The following IBA57 variants were observed in gnomAD, a reference collection of about 807,000 sequenced individuals.
The protein encoded by IBA57 is iron-sulfur cluster assembly factor IBA57, mitochondrial.
A neutral mutation model predicts 20.4 loss-of-function variants in IBA57; 20 were observed. The observed-to-expected ratio is 0.98, with a 90% CI of 0.69 to 1.42. The LOEUF is 1.42. IBA57 is among the 40% of genes most tolerant of loss of function. IBA57 has a pLI of 0.00. For missense variants in IBA57, 608 were observed against 499.3 expected (o/e 1.22, Z -2.07); for synonymous variants, 310 against 233.9 (o/e 1.33, Z -2.97).
rs776881094 is a variant in IBA57, at chr1:228,165,960, G to T, written c.144G>T (p.Trp48Cys). ...PGGDPTAGAA[W>C]ACFRLDGRTL... Reference sequence around the variant, plus strand: ...GCGACCCAACGGCCGGAGCGGCCTGGGCCTGCTTCCGGCTGGACGGGCGCA... The same window carrying T: ...GCGACCCAACGGCCGGAGCGGCCTGTGCCTGCTTCCGGCTGGACGGGCGCA... Residue 48 changes from tryptophan to cysteine, a missense_variant, in exon 1 of 3, where the codon TGG (tryptophan) becomes TGT (cysteine). Transcript: ENST00000366711. 3 of 1,514,396 alleles carry T rather than the reference G, an allele frequency of 2.0e-6. No homozygotes were observed. The highest frequency in any genetic ancestry group is 4.2e-4 in the Middle Eastern group (2 of 4,744). The allele number at this position is 1,514,396 out of a possible 1,614,324, so 93.8% of individuals were successfully genotyped here.
In IBA57 at chr1:228,172,151, A is replaced by C. The variant is rs1206962320; in HGVS notation, c.342-2541A>C. On this transcript the variant is annotated intron_variant, in intron 1 of 2. Transcript: ENST00000366711. ...TAGATTCACAGGAAGTTGCAAAAAAAAAAACAAAACAAAACCCGTGGGAGA... is the reference window on the plus strand; with the variant it reads ...TAGATTCACAGGAAGTTGCAAAAAACAAAACAAAACAAAACCCGTGGGAGA... 7.2e-5 allele frequency: 11 copies of C among 151,760 alleles called. 1 individual carries two copies. In the South Asian group the frequency reaches 8.3e-4, roughly 11 times the overall value. 9.4% of individuals were successfully genotyped at this position (151,760 alleles called of 1,614,324 possible).
rs12034268 is a variant in IBA57, at chr1:228,178,486, T to C, written c.*2973T>C. 6,567 of 152,064 alleles carry C rather than the reference T, an allele frequency of 0.043. 171 individuals are homozygous for C. Among genetic ancestry groups the C allele is most frequent in the East Asian group, 0.12 (593 of 5,154 alleles). 9.4% of individuals were successfully genotyped at this position (152,064 alleles called of 1,614,324 possible). A position where few individuals can be genotyped will look rare whatever the true frequency, so the allele number is the denominator to read the frequency against. ...GTCCCACCTATTCGGGAGGCTGAAG[T>C]GCGAGGATCACTTGAGCCCAGGAGG... On this transcript the variant is annotated 3_prime_UTR_variant, in exon 3 of 3. Transcript: ENST00000366711.
In IBA57 at chr1:228,175,106, C is replaced by A. The variant is rs375467747; in HGVS notation, c.680-16C>A. The A allele has an allele frequency of 7.5e-6, 12 of 1,605,310 alleles. No homozygotes were observed. Among genetic ancestry groups the A allele is most frequent in the South Asian group, 6.6e-5 (6 of 90,344 alleles). ...ATGTTCAATTCTCGCTGGTTTCCCC[C>A]CTCCAATCCCTGCAGGCGTTCCTGA... On this transcript the variant is annotated splice_polypyrimidine_tract_variant and intron_variant, in intron 2 of 2. Transcript: ENST00000366711.
At chr1:228,169,165 G>T (rs1046550252) in intron 1 of IBA57, among the ~76,000 whole-genome samples, 5 of 152,082 alleles carry the variant, frequency 3.3e-5, no homozygotes, top group African/African-American at 1.2e-4. Flanking sequence ...TCACTCCTCT[G>T]GGGAGAGGGC....
At position 228,174,800 on chromosome 1, in the gene IBA57, G is replaced by A. The variant is rs2034984075; in HGVS notation, c.450G>A (p.Thr150=). The change falls in exon 2 of 3, where the codon ACG becomes ACA. Residue 150 remains threonine (T), a synonymous_variant. Transcript: ENST00000366711. Reference sequence around the variant, plus strand: ...TATACAGGATCCGGCGGAAGGTCACGGTGGAGCCGCACCCGGAGCTGCGAG... The same window carrying A: ...TATACAGGATCCGGCGGAAGGTCACAGTGGAGCCGCACCCGGAGCTGCGAG... The part of the protein sequence containing the change: ...LALYRIRRKV[T]VEPHPELRVW... 6.2e-7 allele frequency: 1 copy of A among 1,610,832 alleles called. No individual in the cohort carries two copies. The highest frequency in any genetic ancestry group is 8.5e-7 in the Non-Finnish European group (1 of 1,179,424).
At position 228,175,539 on chromosome 1, in the gene IBA57, G is replaced by A; in HGVS notation, c.*26G>A. On this transcript the variant is annotated 3_prime_UTR_variant, in exon 3 of 3. Transcript: ENST00000366711. ...TCCGAAGCCTTGGCTGGCGCAGGCT[G>A]ATGGGGAGGCTGGGGCCTGGGGCCT... 11 of 1,531,448 alleles carry A rather than the reference G, an allele frequency of 7.2e-6. No homozygotes were observed. The highest frequency in any genetic ancestry group is 8.8e-6 in the Non-Finnish European group (10 of 1,138,950). 94.9% of individuals were successfully genotyped at this position (1,531,448 alleles called of 1,614,324 possible).
At position 228,165,984 on chromosome 1, in the gene IBA57, C is replaced by T; in HGVS notation, c.168C>T (p.Arg56=). The change falls in exon 1 of 3, where the codon CGC becomes CGT. Residue 56 remains arginine (R), a synonymous_variant. Transcript: ENST00000366711. ...GGGCCTGCTTCCGGCTGGACGGGCG[C>T]ACCCTGCTGCGCGTGCGTGGCCCCG... ...AAWACFRLDG[R]TLLRVRGPDA... is the part of the protein sequence containing the mutation. 6.6e-7 allele frequency: 1 copy of T among 1,523,010 alleles called. No homozygotes were observed. The highest frequency in any genetic ancestry group is 1.2e-5 in the South Asian group (1 of 82,112). 94.3% of individuals were successfully genotyped at this position (1,523,010 alleles called of 1,614,324 possible).
chr1:228,168,488 C>T (rs1206028217), intron 1 of IBA57, among the ~76,000 whole-genome samples: 1 of 152,104 alleles, frequency 6.6e-6, no homozygotes, highest in East Asian at 1.9e-4. Flanking sequence ...TTCTGTGTCT[C>T]AGGGCTTTTT....
At chr1:228,166,264 G>T in intron 1 of IBA57, 107 bp downstream of exon 1, 1 of 833,604 alleles carries the variant, frequency 1.2e-6, no homozygotes, top group Non-Finnish European at 1.7e-6. Flanking sequence ...GGGCGTGGGG[G>T]GTGGGCACCC....
In IBA57 at chr1:228,180,200, T is replaced by C. The variant is rs2035087338; in HGVS notation, c.*4687T>C. 1.3e-5 allele frequency: 2 copies of C among 150,586 alleles called. No individual in the cohort carries two copies. Among genetic ancestry groups the C allele is most frequent in the Non-Finnish European group, 1.5e-5 (1 of 67,880 alleles). 9.3% of individuals were successfully genotyped at this position (150,586 alleles called of 1,614,324 possible). On this transcript the variant is annotated 3_prime_UTR_variant, in exon 3 of 3. Coordinates refer to ENST00000366711, the MANE Select transcript of IBA57 (RefSeq NM_001010867.4). ...AAAAAAAAAAGAGGGCTAAACGCAT[T>C]TTCATACCACGAAACTGCCCTCACT...
intron 1 of IBA57, chr1:228,171,455 C>A (rs1277662413): frequency 2.0e-5 from 3 of 152,244 alleles, no homozygotes; most frequent in African/African-American, 4.8e-5. Flanking sequence ...AAAGTGCCCT[C>A]GACCCCAGAA....
rs11313764 is a variant in IBA57 at position 228,177,483 on chromosome 1, C to CTTTTTTTTTTTTTTTTTTTTT, written c.*1974_*1994dup. On this transcript the variant is annotated 3_prime_UTR_variant, in exon 3 of 3. Transcript: ENST00000366711. ...AACACATTTCGTGTTCTTCTGTGTCCTTTTTTTTTTTTTTTTTTTTTTTTG... is the reference window on the plus strand; with the variant it reads ...AACACATTTCGTGTTCTTCTGTGTCCTTTTTTTTTTTTTTTTTTTTTTTTTTTTTTTTTTTTTTTTTTTTTG... 1.9e-5 allele frequency: 1 copy of CTTTTTTTTTTTTTTTTTTTTT among 52,464 alleles called. No homozygotes were observed. Among genetic ancestry groups the CTTTTTTTTTTTTTTTTTTTTT allele is most frequent in the Non-Finnish European group, 3.5e-5 (1 of 28,530 alleles). 3.2% of individuals were successfully genotyped at this position (52,464 alleles called of 1,614,324 possible).
In IBA57 at chr1:228,165,987, C is replaced by G. The variant is rs780785779; in HGVS notation, c.171C>G (p.Thr57=). Residue 57 remains threonine, a synonymous_variant, in exon 1 of 3, where the codon ACC becomes ACG. Transcript: ENST00000366711. ...CCTGCTTCCGGCTGGACGGGCGCAC[C>G]CTGCTGCGCGTGCGTGGCCCCGACG... ...AWACFRLDGR[T]LLRVRGPDAA... is the part of the protein sequence containing the mutation. The G allele has an allele frequency of 1.3e-6, 2 of 1,524,562 alleles. No homozygotes were observed. The highest frequency in any genetic ancestry group is 2.0e-5 in the Admixed American group (1 of 50,212). 94.4% of individuals were successfully genotyped at this position (1,524,562 alleles called of 1,614,324 possible).
chr1:228,170,661 G>A lies in IBA57; in HGVS notation c.342-4031G>A, dbSNP rs376811527. ...TGTAGGAGGCAGAGAGAGGCTGTAG[G>A]GTCATGTTGCAGGTAGGATTGTGGT... On this transcript the variant is annotated intron_variant, in intron 1 of 2. Coordinates refer to ENST00000366711, the MANE Select transcript of IBA57 (RefSeq NM_001010867.4). This position sits in a 1 kb window ranked among gnomAD's most constrained non-coding sequence, Gnocchi z 4.8. 4.6e-5 allele frequency among the ~76,000 whole-genome samples: 7 copies of A among 152,282 alleles called. No homozygotes were observed. In the East Asian group the frequency reaches 1.4e-3, roughly 29 times the overall value.
At chr1:228,172,886 C>T (rs2034947061) in intron 1 of IBA57, 1 of 152,420 alleles carries the variant, frequency 6.6e-6, no homozygotes, top group Non-Finnish European at 1.5e-5. Context: ...GCGGCTGCCC[C>T]TCTGTGCTGT....
At chr1:228,169,086 T>G (rs1558124185) in intron 1 of IBA57, among the ~76,000 whole-genome samples, 1 of 151,836 alleles carries the variant, frequency 6.6e-6, no homozygotes, top group Non-Finnish European at 1.5e-5. Context: ...TTCATGAGAG[T>G]GTAAACTCTT....
Position 228,174,960 on chromosome 1 carries a change from G to A in IBA57, c.610G>A (p.Gly204Ser). Residue 204 changes from glycine to serine, a missense_variant, in exon 2 of 3, where the codon GGC (glycine) becomes AGC (serine). Gly to Ser is a moderately conservative substitution (Grantham distance 56). Coordinates refer to ENST00000366711, the MANE Select transcript of IBA57 (RefSeq NM_001010867.4). The stretch of plus-strand genomic sequence containing the variant: ...GTGGCGGCTCCTCACCCAGGATGAA[G>A]GCCCAGCCCTGGTGCCCGGGGGCCG... ...MGWRLLTQDE[G>S]PALVPGGRLG... is the part of the protein sequence containing the mutation. The A allele has an allele frequency of 1.9e-6, 3 of 1,565,160 alleles. No homozygotes were observed. The highest frequency in any genetic ancestry group is 1.2e-5 in the South Asian group (1 of 85,780).
rs2034840072 is a variant in IBA57, at chr1:228,165,855, G to A, written c.39G>A (p.Gly13=). Residue 13 remains glycine (G), a synonymous_variant, in exon 1 of 3, where the codon GGG becomes GGA. Transcript: ENST00000366711. ...TAALLRGATP[G]RGGPVWRWRL... ...CGCTGCTTCGAGGCGCCACTCCGGG[G>A]CGCGGCGGCCCGGTCTGGCGCTGGC... The A allele has an allele frequency of 7.6e-7, 1 of 1,308,030 alleles. No homozygotes were observed. The allele number at this position is 1,308,030 out of a possible 1,614,324, so 81.0% of individuals were successfully genotyped here.
rs565436765 is a variant in IBA57 at position 228,175,598 on chromosome 1, G to A, written c.*85G>A. 12 of 1,462,268 alleles carry A rather than the reference G, an allele frequency of 8.2e-6. No homozygotes were observed. In the South Asian group the frequency reaches 1.7e-4, roughly 21 times the overall value. 90.6% of individuals were successfully genotyped at this position (1,462,268 alleles called of 1,614,324 possible). On this transcript the variant is annotated 3_prime_UTR_variant, in exon 3 of 3. Transcript: ENST00000366711. ...TGTCCAGGGTCTTCCCGTCCCATCTGTCTGCTGCGCCTACTGGGTGGGAGC... is the reference window on the plus strand; with the variant it reads ...TGTCCAGGGTCTTCCCGTCCCATCTATCTGCTGCGCCTACTGGGTGGGAGC...
Sources: gnomAD v4.1 joint callset for allele counts (sites outside exome capture counted in the v4.1 genomes callset) on GRCh38, gnomAD v4.1.1 for gene constraint, Gnocchi (gnomAD v3.1) non-coding constraint, MANE v1.5 for transcripts, NCBI Gene and HGNC (gene_info 2026-07-23, HGNC 2026-07-21) for gene names.